Variants in SMURF2 observed in about 807,000 individuals in gnomAD.
SMURF2 encodes the protein E3 ubiquitin-protein ligase SMURF2.
A neutral mutation model predicts 109.6 loss-of-function variants in SMURF2; 48 were observed. The observed-to-expected ratio is 0.44, with a 90% CI of 0.35 to 0.56. The LOEUF is 0.56. Ranked by LOEUF, SMURF2 falls within the 20% of genes least tolerant of loss-of-function variation. The probability of loss-of-function intolerance (pLI) is 0.01; values close to 1 mark genes in which losing one functional copy is unlikely to be tolerated. For missense variants in SMURF2, 575 were observed against 909.0 expected (o/e 0.63, Z 4.72); for synonymous variants, 288 against 317.1 (o/e 0.91, Z 0.97).
At chr17:64,654,765 G>A (rs1349977306) in intron 1 of SMURF2, among the ~76,000 whole-genome samples, 1 of 152,180 alleles carries the variant, frequency 6.6e-6, no homozygotes, top group African/African-American at 2.4e-5. Context: ...GGAGGCAGAG[G>A]TTGCAGTGAG....
chr17:64,549,262 CAAAAAAAAAAAAA>C (rs577973821), intron 16 of SMURF2, among the ~76,000 whole-genome samples: 1 of 41,572 alleles, frequency 2.4e-5, no homozygotes, highest in African/African-American at 8.3e-5. Flanking sequence ...ACTGTGTCTC[CAAAAAAAAAAAAA>C]AAAAAAAAAA....
chr17:64,578,389 T>C lies in SMURF2; in HGVS notation c.857+103A>G. 6 of 756,040 alleles carry C rather than the reference T, an allele frequency of 7.9e-6. No homozygotes were observed. The South Asian group carries it at 1.1e-4, about 13-fold the overall frequency. 46.8% of individuals were successfully genotyped at this position (756,040 alleles called of 1,614,324 possible). ...GTAACTATCAGAAGAGTCAAACTTT[T>C]ACATAAACTATTTTTAAAAGGTAAA... On this transcript the variant is annotated intron_variant, in intron 9 of 18. Coordinates refer to ENST00000262435, the MANE Select transcript of SMURF2 (RefSeq NM_022739.4).
At chr17:64,550,464 G>A (rs1242517552) in intron 16 of SMURF2, among the ~76,000 whole-genome samples, 1 of 152,164 alleles carries the variant, frequency 6.6e-6, no homozygotes, top group East Asian at 1.9e-4. Flanking sequence ...ACTATTCACT[G>A]TTTAGTATGG....
intron 1 of SMURF2, 60 bp from the exon 2 acceptor site, chr17:64,606,700 T>C: frequency 8.0e-7 from 1 of 1,253,666 alleles, no homozygotes; most frequent in Non-Finnish European, 1.1e-6. Context: ...AGTGTACTGT[T>C]ACATTTTAAA....
chr17:64,546,193 A>C, intron 18 of SMURF2, 70 bp downstream of exon 18: 1 of 1,469,104 alleles, frequency 6.8e-7, no homozygotes, highest in Non-Finnish European at 9.5e-7. Context: ...CAATAAATAA[A>C]AAGTCAAATC....
chr17:64,642,767 C>G (rs985445598), intron 1 of SMURF2, among the ~76,000 whole-genome samples: 20 of 152,002 alleles, frequency 1.3e-4, no homozygotes, highest in Non-Finnish European at 2.5e-4. Context: ...AAACATCAAC[C>G]AACCAATTTT....
At chr17:64,557,818 AAATT>A (rs1352970873) in intron 12 of SMURF2, 96 bp from the exon 13 acceptor site, 12 of 648,172 alleles carry the variant, frequency 1.9e-5, no homozygotes, top group Non-Finnish European at 2.9e-5. Context: ...ATAATTATTT[AAATT>A]AATAAAAGGC....
chr17:64,542,564 C>G lies in SMURF2; in HGVS notation c.*3284G>C, dbSNP rs552513402. 6.6e-6 allele frequency: 1 copy of G among 152,094 alleles called. No homozygotes were observed. Among genetic ancestry groups the G allele is most frequent in the East Asian group, 1.9e-4 (1 of 5,144 alleles). 9.4% of individuals were successfully genotyped at this position (152,094 alleles called of 1,614,324 possible). On this transcript the variant is annotated 3_prime_UTR_variant, in exon 19 of 19. Coordinates refer to ENST00000262435, the MANE Select transcript of SMURF2 (RefSeq NM_022739.4). ...TACATCTAGAAATAAAACAACTCAG[C>G]ATTTGGAACAATCATCCTAACATGT...
chr17:64,548,630 C>T (rs1013417777), intron 16 of SMURF2, among the ~76,000 whole-genome samples: 3 of 152,062 alleles, frequency 2.0e-5, no homozygotes, highest in South Asian at 2.1e-4. Context: ...TCAAGTGATC[C>T]GCCTGCCTCA....
At position 64,543,004 on chromosome 17, in the gene SMURF2, T is replaced by C. The variant is rs1197413745; in HGVS notation, c.*2844A>G. 2.0e-5 allele frequency: 3 copies of C among 152,208 alleles called. No homozygotes were observed. The South Asian group carries it at 6.2e-4, about 32-fold the overall frequency. 9.4% of individuals were successfully genotyped at this position (152,208 alleles called of 1,614,324 possible). On this transcript the variant is annotated 3_prime_UTR_variant, in exon 19 of 19. Transcript: ENST00000262435. ...TCTGTTCATAACTAAGCATTCATGA[T>C]GGAAAGGCAAGAGTATGAAAACAGA...
chr17:64,629,250 C>T (rs1970306931), intron 1 of SMURF2, among the ~76,000 whole-genome samples: 1 of 152,144 alleles, frequency 6.6e-6, no homozygotes, highest in African/African-American at 2.4e-5. Context: ...CCTATAATCC[C>T]AGCACTTTGG....
intron 11 of SMURF2, 144 bp from the exon 12 acceptor site, chr17:64,561,747 A>C (rs569233639): frequency 3.4e-6 from 2 of 593,754 alleles, no homozygotes; most frequent in Non-Finnish European, 5.9e-6. Context: ...CTGTAATCCC[A>C]ACACTTTGGG....
At chr17:64,576,795 A>G (rs1030025514) in intron 9 of SMURF2, among the ~76,000 whole-genome samples, 2 of 151,370 alleles carry the variant, frequency 1.3e-5, no homozygotes, top group African/African-American at 2.4e-5. Context: ...CTGAACCATA[A>G]TTAAGAATAT....
chr17:64,583,436 T>G (rs782141540), intron 7 of SMURF2, 25 bp downstream of exon 7: 1 of 1,583,812 alleles, frequency 6.3e-7, no homozygotes, highest in Non-Finnish European at 8.7e-7. Context: ...GCATAGATCA[T>G]GAGAAAATAT....
intron 1 of SMURF2, among the ~76,000 whole-genome samples, chr17:64,617,019 T>G (rs1970133179): frequency 7.0e-6 from 1 of 143,194 alleles, no homozygotes; most frequent in Non-Finnish European, 1.5e-5. Flanking sequence ...GTAAGCCATG[T>G]TCACACCACT....
chr17:64,635,523 T>C (rs1366267355), intron 1 of SMURF2, among the ~76,000 whole-genome samples: 1 of 151,822 alleles, frequency 6.6e-6, no homozygotes, highest in Non-Finnish European at 1.5e-5. Context: ...CCCCATCCCC[T>C]AGCAACCTGA....
intron 1 of SMURF2, among the ~76,000 whole-genome samples, chr17:64,631,923 C>G (rs927017680): frequency 1.4e-4 from 21 of 150,056 alleles, no homozygotes; most frequent in Non-Finnish European, 2.7e-4. Context: ...TATTAACCAC[C>G]CACCACCCTA....
chr17:64,583,481 C>T lies in SMURF2; in HGVS notation c.549G>A (p.Thr183=), dbSNP rs145487251. The stretch of plus-strand genomic sequence containing the variant: ...CTTACCGTGTTGGGCGCTCCCATTG[C>T]GTAGTTCTTGTTATATGGTTTAGAT... ...IQYLNHITRT[T]QWERPTRPAS... Residue 183 remains threonine (T), a synonymous_variant, in exon 7 of 19, where the codon ACG becomes ACA. Transcript: ENST00000262435. 1.2e-5 allele frequency: 20 copies of T among 1,613,624 alleles called. No individual in the cohort carries two copies. Among genetic ancestry groups the T allele is most frequent in the African/African-American group, 4.0e-5 (3 of 74,864 alleles).
chr17:64,581,081 C>A lies in SMURF2; in HGVS notation c.570-90G>T. On this transcript the variant is annotated intron_variant, in intron 7 of 18. Coordinates refer to ENST00000262435, the MANE Select transcript of SMURF2 (RefSeq NM_022739.4). This position sits in a 1 kb window ranked among gnomAD's most constrained non-coding sequence, Gnocchi z 4.3. Reference sequence around the variant, plus strand: ...AATATATATATACTGCAGTAACAACCACTTATCATGTCTGAAAACAGAATG... The same window carrying A: ...AATATATATATACTGCAGTAACAACAACTTATCATGTCTGAAAACAGAATG... 8.9e-7 allele frequency: 1 copy of A among 1,119,890 alleles called. No homozygotes were observed. Among genetic ancestry groups the A allele is most frequent in the Non-Finnish European group, 1.3e-6 (1 of 761,364 alleles). The allele number at this position is 1,119,890 out of a possible 1,614,324, so 69.4% of individuals were successfully genotyped here.
Sources: allele counts gnomAD v4.1 joint callset (sites outside exome capture counted in the v4.1 genomes callset), GRCh38; gene constraint gnomAD v4.1.1; non-coding constraint Gnocchi (gnomAD v3.1); transcripts MANE v1.5; gene names NCBI Gene and HGNC (gene_info 2026-07-23, HGNC 2026-07-21).